The following UNC13C variants were observed in gnomAD, a reference collection of about 807,000 sequenced individuals.
The protein encoded by UNC13C is unc-13 homolog C.
UNC13C carries 174 observed loss-of-function variants against 245.4 expected under a neutral mutation model. The observed-to-expected ratio is 0.71, with a 90% CI of 0.63 to 0.80. The LOEUF is 0.80. Among genes scored for constraint, UNC13C ranks in the 30% least tolerant of loss-of-function variants. UNC13C has a pLI of 0.00. For missense variants in UNC13C, 2,829 were observed against 2,602.9 expected, an observed-to-expected ratio of 1.09 and a Z score of -1.89; for synonymous variants, 992 against 895.1, an observed-to-expected ratio of 1.11 and a Z score of -1.93.
At chr15:54,170,679 GTTAGA>G (rs1233667904) in intron 4 of UNC13C, among the ~76,000 whole-genome samples, 2 of 152,044 alleles carry the variant, frequency 1.3e-5, no homozygotes, top group African/African-American at 4.8e-5. Flanking sequence ...CTATTTGAAT[GTTAGA>G]TTAGAGATGG....
intron 19 of UNC13C, among the ~76,000 whole-genome samples, chr15:54,463,132 C>T (rs1891948524): frequency 1.3e-5 from 2 of 151,408 alleles, no homozygotes; most frequent in Admixed American, 1.3e-4. Context: ...TGTAAATGCA[C>T]CACTCAGCAC....
intron 13 of UNC13C, among the ~76,000 whole-genome samples, chr15:54,315,774 T>C (rs1381116101): frequency 2.0e-5 from 3 of 151,856 alleles, no homozygotes; most frequent in Admixed American, 6.6e-5. Flanking sequence ...CCCAGCTCAC[T>C]TGGCAGAAGA....
intron 19 of UNC13C, among the ~76,000 whole-genome samples, chr15:54,473,725 T>A (rs773369734): frequency 9.2e-5 from 14 of 151,602 alleles, no homozygotes; most frequent in Non-Finnish European, 1.5e-4. Context: ...TTCTCTTTTT[T>A]CTTTTTTTAG....
chr15:53,866,601 G>C, the UNC13C span, among the ~76,000 whole-genome samples: 28,133 of 152,054 alleles, frequency 0.19, 3,128 homozygotes, highest in African/African-American at 0.3. Flanking sequence ...CTTTCTCCCA[G>C]CTTGCCCCTG....
At chr15:53,920,087 A>G in the UNC13C span, among the ~76,000 whole-genome samples, 2 of 135,364 alleles carry the variant, frequency 1.5e-5, no homozygotes, top group Non-Finnish European at 3.3e-5. Context: ...TTTTTAAAAG[A>G]TAATGTTCAT....
At chr15:54,454,156 T>A (rs929331787) in intron 19 of UNC13C, among the ~76,000 whole-genome samples, 3 of 151,984 alleles carry the variant, frequency 2.0e-5, no homozygotes, top group Admixed American at 2.0e-4. Flanking sequence ...AATTTACCAT[T>A]TTAACCATTA....
intron 20 of UNC13C, among the ~76,000 whole-genome samples, chr15:54,498,959 A>C (rs1894078970): frequency 6.6e-6 from 1 of 152,162 alleles, no homozygotes; most frequent in Non-Finnish European, 1.5e-5. Context: ...GAACTACATT[A>C]TTGGTTAGCT....
intron 13 of UNC13C, among the ~76,000 whole-genome samples, chr15:54,316,755 C>T (rs1596205872): frequency 6.6e-6 from 1 of 151,834 alleles, no homozygotes; most frequent in East Asian, 1.9e-4. Context: ...CTTGTGTTTC[C>T]TTCTGACTTC....
intron 26 of UNC13C, among the ~76,000 whole-genome samples, chr15:54,541,880 T>C (rs1296958049): frequency 6.6e-6 from 1 of 152,120 alleles, no homozygotes; most frequent in Admixed American, 6.6e-5. Context: ...TGCCATGTTG[T>C]TATGTTGGTC....
the UNC13C span, among the ~76,000 whole-genome samples, chr15:53,930,934 A>G: frequency 6.6e-6 from 1 of 152,200 alleles, no homozygotes. Flanking sequence ...ACCTCTGCAG[A>G]GAACACTTAG....
At position 54,013,881 on chromosome 15, in the gene UNC13C, G is replaced by A. The variant is rs759918826; in HGVS notation, c.978G>A (p.Val326=). 1 of 1,613,092 alleles carries A rather than the reference G, an allele frequency of 6.2e-7. No homozygotes were observed. Among genetic ancestry groups the A allele is most frequent in the Non-Finnish European group, 8.5e-7 (1 of 1,179,632 alleles). The change falls in exon 2 of 33, where the codon GTG becomes GTA. Residue 326 remains valine (V), a synonymous_variant. Coordinates refer to ENST00000260323, the MANE Select transcript of UNC13C (RefSeq NM_001080534.3). ...GSKASLRFLN[V]TEERFEYVES... is the part of the protein sequence containing the mutation. ...AGGCAAGCCTGAGATTTTTAAATGT[G>A]ACTGAAGAAAGATTTGAATATGTTG...
chr15:54,431,100 G>A (rs1357407659), intron 19 of UNC13C, among the ~76,000 whole-genome samples: 1 of 151,712 alleles, frequency 6.6e-6, no homozygotes, highest in African/African-American at 2.4e-5. Flanking sequence ...AATAATTATT[G>A]CTGACGGAGT....
chr15:54,337,995 T>A (rs2038633817), intron 16 of UNC13C, among the ~76,000 whole-genome samples: 1 of 152,198 alleles, frequency 6.6e-6, no homozygotes, highest in African/African-American at 2.4e-5. Context: ...TATTATCTAC[T>A]TGAACTTAAG....
At chr15:54,089,420 G>A (rs934777076) in intron 2 of UNC13C, among the ~76,000 whole-genome samples, 37 of 152,130 alleles carry the variant, frequency 2.4e-4, no homozygotes, top group African/African-American at 8.9e-4. Context: ...AATGGCCAGA[G>A]AAGCAAAATT....
chr15:54,311,208 G>A (rs1421763853), intron 13 of UNC13C, among the ~76,000 whole-genome samples: 1 of 151,572 alleles, frequency 6.6e-6, no homozygotes, highest in Non-Finnish European at 1.5e-5. Flanking sequence ...TTTAATCTTG[G>A]CTGTCAACCA....
chr15:54,216,708 C>T (rs187694521), intron 4 of UNC13C, among the ~76,000 whole-genome samples: 1 of 151,760 alleles, frequency 6.6e-6, no homozygotes, highest in Non-Finnish European at 1.5e-5. Flanking sequence ...TAATACATGC[C>T]CAGAGTGAGC....
intron 14 of UNC13C, among the ~76,000 whole-genome samples, chr15:54,329,920 C>T (rs537302978): frequency 1.3e-5 from 2 of 152,094 alleles, no homozygotes; most frequent in African/African-American, 4.8e-5. Context: ...ATAAGATTTC[C>T]CCCTTTGCTC....
At chr15:54,256,500 A>G (rs2036282489) in intron 8 of UNC13C, among the ~76,000 whole-genome samples, 1 of 85,652 alleles carries the variant, frequency 1.2e-5, no homozygotes, top group Non-Finnish European at 2.6e-5. Flanking sequence ...AGAAATAAAC[A>G]ATGTATAAAT....
intron 10 of UNC13C, among the ~76,000 whole-genome samples, chr15:54,271,011 T>C (rs2036675203): frequency 6.6e-6 from 1 of 152,176 alleles, no homozygotes; most frequent in South Asian, 2.1e-4. Flanking sequence ...ATCCCCCCAT[T>C]AATTGCACTT....
Sources: gnomAD v4.1 joint callset for allele counts (sites outside exome capture counted in the v4.1 genomes callset) on GRCh38, gnomAD v4.1.1 for gene constraint, MANE v1.5 for transcripts, NCBI Gene and HGNC (gene_info 2026-07-23, HGNC 2026-07-21) for gene names.